FIRRM: variants seen among roughly 807,000 people sequenced by gnomAD.
FIRRM encodes the protein FIGNL1 interacting regulator of recombination and mitosis.
chr1:169,814,031 T>A, the FIRRM span, among the ~76,000 whole-genome samples: 1 of 152,218 alleles, frequency 6.6e-6, no homozygotes. Context: ...TTGTTTACAA[T>A]TTGATTTTTT....
At chr1:169,805,564 T>C in the FIRRM span, among the ~76,000 whole-genome samples, 1 of 152,214 alleles carries the variant, frequency 6.6e-6, no homozygotes, top group African/African-American at 2.4e-5. Flanking sequence ...AGGGCAGTCA[T>C]TGTGGCCATT....
chr1:169,803,305 G>T, the FIRRM span: 1 of 1,613,310 alleles, frequency 6.2e-7, no homozygotes, highest in African/African-American at 1.3e-5. Context: ...TTTGTGCATT[G>T]TAAGGTGAGT....
At chr1:169,796,261 C>T in the FIRRM span, among the ~76,000 whole-genome samples, 3 of 152,176 alleles carry the variant, frequency 2.0e-5, no homozygotes, top group South Asian at 6.2e-4. Flanking sequence ...TCAAAACATT[C>T]AAAAACACTT....
At chr1:169,853,028 C>CT in the FIRRM span, 10 of 1,581,554 alleles carry the variant, frequency 6.3e-6, no homozygotes, top group Admixed American at 1.7e-4. Context: ...GCTTTGTCAA[C>CT]TGAAAATACT....
chr1:169,821,745 T>G, the FIRRM span: 1 of 1,607,544 alleles, frequency 6.2e-7, no homozygotes, highest in Non-Finnish European at 8.5e-7. Flanking sequence ...CAACTCCCTT[T>G]TGCACTACGC....
chr1:169,850,419 A>T, the FIRRM span: 1 of 966,452 alleles, frequency 1.0e-6, no homozygotes, highest in South Asian at 1.5e-5. Context: ...AACTGTAACC[A>T]ACCTGAGTGT....
At chr1:169,813,083 A>T in the FIRRM span, among the ~76,000 whole-genome samples, 1 of 152,188 alleles carries the variant, frequency 6.6e-6, no homozygotes, top group Non-Finnish European at 1.5e-5. Context: ...TTTCATATGA[A>T]ATAATTCACA....
At chr1:169,809,007 G>T in the FIRRM span, among the ~76,000 whole-genome samples, 1 of 152,134 alleles carries the variant, frequency 6.6e-6, no homozygotes, top group African/African-American at 2.4e-5. Context: ...GAATTCCTTT[G>T]TACCTGCGCT....
the FIRRM span, chr1:169,842,484 A>G: frequency 1.2e-6 from 2 of 1,614,068 alleles, no homozygotes; most frequent in Non-Finnish European, 1.7e-6. Flanking sequence ...ACAGGAAAAC[A>G]AACTGCAATT....
chr1:169,829,336 C>G, the FIRRM span: 3 of 1,613,708 alleles, frequency 1.9e-6, no homozygotes, highest in South Asian at 2.2e-5. Flanking sequence ...TGTTCATTTA[C>G]AGGGATTAAA....
At chr1:169,785,872 A>G in the FIRRM span, among the ~76,000 whole-genome samples, 4 of 152,178 alleles carry the variant, frequency 2.6e-5, no homozygotes, top group Non-Finnish European at 4.4e-5. Flanking sequence ...GTTTCTTTAG[A>G]CCAATTATGG....
chr1:169,851,850 G>A, the FIRRM span: 1 of 1,614,052 alleles, frequency 6.2e-7, no homozygotes, highest in Non-Finnish European at 8.5e-7. Flanking sequence ...AGCTGCCAAA[G>A]TGGAACGTGT....
the FIRRM span, among the ~76,000 whole-genome samples, chr1:169,794,127 A>G: frequency 6.6e-6 from 1 of 152,126 alleles, no homozygotes. Flanking sequence ...AACAAACAGA[A>G]GAACAACAGC....
the FIRRM span, chr1:169,830,857 A>ACTGTCAAAACAATC: frequency 9.8e-7 from 1 of 1,023,796 alleles, no homozygotes; most frequent in Non-Finnish European, 1.5e-6. Context: ...CAGTAACAAG[A>ACTGTCAAAACAATC]TTGTTTTGAC....
At chr1:169,804,150 T>C in the FIRRM span, 1 of 1,599,494 alleles carries the variant, frequency 6.3e-7, no homozygotes, top group Non-Finnish European at 8.5e-7. Context: ...GGAGGCCTAT[T>C]CTCTTCAAAA....
At chr1:169,837,006 C>T in the FIRRM span, 7 of 1,613,746 alleles carry the variant, frequency 4.3e-6, no homozygotes, top group African/African-American at 9.3e-5. Context: ...CAGGCGTTAC[C>T]TCCTGAGCTT....
chr1:169,847,594 C>T, the FIRRM span: 3 of 851,024 alleles, frequency 3.5e-6, no homozygotes, highest in African/African-American at 1.7e-5. Context: ...GTTTTGTTTC[C>T]CCTCCCCACA....
the FIRRM span, chr1:169,827,751 GGTT>G: frequency 6.2e-7 from 1 of 1,614,078 alleles, no homozygotes; most frequent in Non-Finnish European, 8.5e-7. Flanking sequence ...GTCTTCTTCT[GGTT>G]GTTGTCATGG....
At chr1:169,852,043 A>G in the FIRRM span, 1 of 1,483,886 alleles carries the variant, frequency 6.7e-7, no homozygotes, top group Admixed American at 1.8e-5. Context: ...GCTGAATTTC[A>G]AATCAAATAG....
Sources: gnomAD v4.1 joint callset for allele counts (sites outside exome capture counted in the v4.1 genomes callset) on GRCh38, gnomAD v4.1.1 for gene constraint, MANE v1.5 for transcripts, NCBI Gene and HGNC (gene_info 2026-07-23, HGNC 2026-07-21) for gene names.